The following MAP3K5 variants were observed in gnomAD, a reference collection of about 807,000 sequenced individuals.
MAP3K5 encodes mitogen-activated protein kinase kinase kinase 5.
MAP3K5 carries 56 observed loss-of-function variants against 158.7 expected under a neutral mutation model. The observed-to-expected ratio is 0.35, with a 90% CI of 0.28 to 0.44. The LOEUF (loss-of-function observed/expected upper bound fraction) is 0.44. Ranked by LOEUF, MAP3K5 falls within the 20% of genes least tolerant of loss-of-function variation. The probability of loss-of-function intolerance (pLI) is 1.00; values close to 1 mark genes in which losing one functional copy is unlikely to be tolerated. For missense variants in MAP3K5, 1,294 were observed against 1,674.8 expected (o/e 0.77, Z 3.97); for synonymous variants, 579 against 601.7 (o/e 0.96, Z 0.55).
chr6:136,792,508 C>T, upstream of MAP3K5: 1 of 436,782 alleles, frequency 2.3e-6, no homozygotes, highest in Non-Finnish European at 3.0e-6. This position sits in a 1 kb window ranked among gnomAD's most constrained non-coding sequence, Gnocchi z 5.7. Context: ...AGCTCAAGGG[C>T]GCCGCGCTCG....
chr6:136,649,077 C>G (rs1778403642), intron 11 of MAP3K5, among the ~76,000 whole-genome samples: 1 of 152,208 alleles, frequency 6.6e-6, no homozygotes, highest in East Asian at 1.9e-4. Flanking sequence ...TCCAGCAATT[C>G]TCCTGCCTCA....
intron 18 of MAP3K5, among the ~76,000 whole-genome samples, chr6:136,608,494 C>A (rs932927227): frequency 2.6e-5 from 4 of 152,082 alleles, no homozygotes; most frequent in Non-Finnish European, 4.4e-5. Context: ...GCTTCGTGGA[C>A]GGACTGGGTT....
At chr6:136,643,053 A>AC (rs1240327188) in intron 11 of MAP3K5, among the ~76,000 whole-genome samples, 1 of 152,114 alleles carries the variant, frequency 6.6e-6, no homozygotes, top group Non-Finnish European at 1.5e-5. Context: ...AACTAGTAGA[A>AC]CAAGAATGTA....
chr6:136,749,428 C>T (rs1349977151), intron 1 of MAP3K5, among the ~76,000 whole-genome samples: 2 of 151,670 alleles, frequency 1.3e-5, no homozygotes, highest in African/African-American at 4.8e-5. Flanking sequence ...TGAAGGTCGC[C>T]AGTGAAAATA....
At chr6:136,746,338 A>C (rs1211149952) in intron 1 of MAP3K5, among the ~76,000 whole-genome samples, 1 of 152,148 alleles carries the variant, frequency 6.6e-6, no homozygotes, top group African/African-American at 2.4e-5. Context: ...TCTGTGAAAA[A>C]CGATACAGGT....
At chr6:136,681,095 T>TA (rs1207842090) in intron 7 of MAP3K5, among the ~76,000 whole-genome samples, 1 of 152,184 alleles carries the variant, frequency 6.6e-6, no homozygotes, top group Non-Finnish European at 1.5e-5. Context: ...TTCACATTGT[T>TA]AAAAAATTCC....
chr6:136,649,584 A>T (rs1422126396), intron 11 of MAP3K5, among the ~76,000 whole-genome samples: 3 of 152,198 alleles, frequency 2.0e-5, no homozygotes, highest in African/African-American at 7.2e-5. Flanking sequence ...ATTCTGATGC[A>T]GAGCCAGGTT....
chr6:136,731,731 A>C (rs1021368022), intron 1 of MAP3K5, among the ~76,000 whole-genome samples: 6 of 152,250 alleles, frequency 3.9e-5, no homozygotes, highest in African/African-American at 1.4e-4. Context: ...TAAGTACAAC[A>C]GAACAAAAGG....
Position 136,613,281 on chromosome 6 carries a change from A to G in MAP3K5, c.2279-25T>C. 6.3e-7 allele frequency: 1 copy of G among 1,597,598 alleles called. No homozygotes were observed. Among genetic ancestry groups the G allele is most frequent in the Admixed American group, 1.7e-5 (1 of 57,746 alleles). Reference sequence around the variant, plus strand: ...CCTGTAAAGTAGGGATAAATAGTAAATAAATCCTCATTCAAATGAGCTCTT... The same window carrying G: ...CCTGTAAAGTAGGGATAAATAGTAAGTAAATCCTCATTCAAATGAGCTCTT... On this transcript the variant is annotated intron_variant, in intron 16 of 29. Coordinates refer to ENST00000359015, the MANE Select transcript of MAP3K5 (RefSeq NM_005923.4). This position sits in a 1 kb window ranked among gnomAD's most constrained non-coding sequence, Gnocchi z 4.0.
chr6:136,756,718 C>T (rs1227399252), intron 1 of MAP3K5, among the ~76,000 whole-genome samples: 2 of 152,160 alleles, frequency 1.3e-5, no homozygotes, highest in Non-Finnish European at 2.9e-5. Context: ...AAGGCCCTGC[C>T]GATTCATCAC....
Position 136,609,470 on chromosome 6 carries a change from T to C in MAP3K5, c.2521+1812A>G, listed in dbSNP as rs927512926. Reference sequence around the variant, plus strand: ...AGAAAGATGGACTAGAGCCAGAAGGTAAAAGCAAAGAGCAAACAGTAGATA... The same window carrying C: ...AGAAAGATGGACTAGAGCCAGAAGGCAAAAGCAAAGAGCAAACAGTAGATA... On this transcript the variant is annotated intron_variant, in intron 18 of 29. Transcript: ENST00000359015. The surrounding 1 kb of genome is among the most constrained non-coding windows in gnomAD (Gnocchi z 4.4). 4.6e-5 allele frequency among the ~76,000 whole-genome samples: 7 copies of C among 151,978 alleles called. No homozygotes were observed. The highest frequency in any genetic ancestry group is 1.7e-4 in the African/African-American group (7 of 41,366).
intron 19 of MAP3K5, among the ~76,000 whole-genome samples, chr6:136,604,402 G>A (rs563431802): frequency 9.9e-5 from 15 of 151,764 alleles, no homozygotes; most frequent in Non-Finnish European, 1.9e-4. Flanking sequence ...ATCCCACAGG[G>A]GAGCACAAAA....
chr6:136,591,603 C>T (rs1038654143), intron 23 of MAP3K5, among the ~76,000 whole-genome samples: 15 of 152,144 alleles, frequency 9.9e-5, no homozygotes, highest in South Asian at 4.1e-4. Flanking sequence ...AATTAGTCTA[C>T]GGCAAAACTG....
At chr6:136,665,796 G>C (rs1174358129) in intron 8 of MAP3K5, among the ~76,000 whole-genome samples, 2 of 152,168 alleles carry the variant, frequency 1.3e-5, no homozygotes, top group Non-Finnish European at 2.9e-5. Context: ...GTTGGTGATA[G>C]ATTTTGTTCT....
chr6:136,782,108 T>C (rs554224264), intron 1 of MAP3K5, among the ~76,000 whole-genome samples: 1 of 151,352 alleles, frequency 6.6e-6, no homozygotes, highest in Non-Finnish European at 1.5e-5. Flanking sequence ...GATGACTTTT[T>C]AAAAATAATA....
At position 136,656,294 on chromosome 6, in the gene MAP3K5, G is replaced by A. The variant is rs1267703421; in HGVS notation, c.1680+13C>T. ...TAAAGAAATGTACTTAGATTTAAAG[G>A]AAGAGTACTCACTGGAAACCTAACC... On this transcript the variant is annotated intron_variant, in intron 10 of 29. Coordinates refer to ENST00000359015, the MANE Select transcript of MAP3K5 (RefSeq NM_005923.4). 1.2e-6 allele frequency: 2 copies of A among 1,609,450 alleles called. No individual in the cohort carries two copies. The highest frequency in any genetic ancestry group is 2.7e-5 in the African/African-American group (2 of 74,796).
At chr6:136,714,410 A>T (rs533275252) in intron 2 of MAP3K5, among the ~76,000 whole-genome samples, 41 of 152,316 alleles carry the variant, frequency 2.7e-4, no homozygotes, top group African/African-American at 9.6e-4. Context: ...TCCGTGTTTA[A>T]GTTCTAAAGG....
rs116877519 is a variant in MAP3K5 at position 136,659,917 on chromosome 6, C to T, written c.1367-539G>A. Among the ~76,000 whole-genome samples, 351 of 152,290 alleles carry T rather than the reference C, an allele frequency of 2.3e-3. 11 individuals carry two copies. The East Asian group carries it at 0.048, about 21-fold the overall frequency. On this transcript the variant is annotated intron_variant, in intron 8 of 29. Coordinates refer to ENST00000359015, the MANE Select transcript of MAP3K5 (RefSeq NM_005923.4). Reference sequence around the variant, plus strand: ...CTTTGGTAAAAAAACAATAGTAAGTCAGACTAACCAGAAAGGTACACAGAA... The same window carrying T: ...CTTTGGTAAAAAAACAATAGTAAGTTAGACTAACCAGAAAGGTACACAGAA...
chr6:136,675,868 T>A (rs1779682165), intron 7 of MAP3K5, among the ~76,000 whole-genome samples: 1 of 152,132 alleles, frequency 6.6e-6, no homozygotes, highest in African/African-American at 2.4e-5. Flanking sequence ...GGCAGACTTC[T>A]CATGAAAGAG....
Sources: allele counts gnomAD v4.1 joint callset (sites outside exome capture counted in the v4.1 genomes callset), GRCh38; gene constraint gnomAD v4.1.1; non-coding constraint Gnocchi (gnomAD v3.1); transcripts MANE v1.5; gene names NCBI Gene and HGNC (gene_info 2026-07-23, HGNC 2026-07-21).